The following PRCD variants were observed in gnomAD, a reference collection of about 807,000 sequenced individuals.
The protein encoded by PRCD is photoreceptor disc component.
Under a neutral mutation model 10.1 loss-of-function variants are expected in PRCD, and 12 were observed. The ratio of observed to expected loss-of-function variants is 1.18; its 90% CI spans 0.76 to 1.92. The LOEUF is 1.92. Among genes scored for constraint, PRCD ranks in the 40% most tolerant of loss-of-function variants. The pLI, the probability that PRCD is intolerant of heterozygous loss-of-function variation, is 0.00. For synonymous variants in PRCD, 31 were observed against 26.2 expected, an observed-to-expected ratio of 1.18 and a Z score of -0.56; for missense variants, 61 against 72.2, an observed-to-expected ratio of 0.84 and a Z score of 0.56.
At chr17:76,549,216 C>T (rs1456281559), downstream of PRCD, among the ~76,000 whole-genome samples, 2 of 152,148 alleles carry the variant, frequency 1.3e-5, no homozygotes, top group Admixed American at 6.5e-5. Flanking sequence ...GACTTGTATC[C>T]GGAATACATA....
chr17:76,528,683 G>A lies in PRCD; in HGVS notation n.45+850G>A. 1 of 1,226,250 alleles carries A rather than the reference G, an allele frequency of 8.2e-7. No individual in the cohort carries two copies. The highest frequency in any genetic ancestry group is 1.0e-6 in the Non-Finnish European group (1 of 966,868). 76.0% of individuals were successfully genotyped at this position (1,226,250 alleles called of 1,614,324 possible). On this transcript the variant is annotated intron_variant and non_coding_transcript_variant, in intron 1 of 4. Transcript: ENST00000397633. This position sits in a 1 kb window ranked among gnomAD's most constrained non-coding sequence, Gnocchi z 5.8. Reference sequence around the variant, plus strand: ...GAAGGACCCTCGGGGGAAAGGGGGAGGACCTGGGGCTGGCGAGGCTCACTT... The same window carrying A: ...GAAGGACCCTCGGGGGAAAGGGGGAAGACCTGGGGCTGGCGAGGCTCACTT...
intron 1 of PRCD, chr17:76,529,750 C>T (rs576151968): frequency 1.1e-5 from 11 of 985,382 alleles, no homozygotes; most frequent in Admixed American, 1.2e-4. Context: ...CTGCTCTCCA[C>T]GCCCTGCCAG....
Position 76,540,250 on chromosome 17 carries a change from T to TGGGTGGGGGGGGGG in PRCD, c.74+35_74+36insGGGTGGGGGGGGGG. ...TGACCGGGCTATGGCTGGCGGTTGG[T>TGGGTGGGGGGGGGG]CGGGGGGGGGGGGCATGGGGCTGGG... On this transcript the variant is annotated intron_variant, in intron 1 of 4. Coordinates refer to ENST00000592014, the MANE Select transcript of PRCD (RefSeq NM_001077620.3). The surrounding 1 kb of genome is among the most constrained non-coding windows in gnomAD (Gnocchi z 5.0). 2.2e-6 allele frequency: 1 copy of TGGGTGGGGGGGGGG among 463,682 alleles called. No individual in the cohort carries two copies. Among genetic ancestry groups the TGGGTGGGGGGGGGG allele is most frequent in the Non-Finnish European group, 3.6e-6 (1 of 276,418 alleles). 28.7% of individuals were successfully genotyped at this position (463,682 alleles called of 1,614,324 possible).
In PRCD at chr17:76,531,881, C is replaced by A; in HGVS notation, n.45+4048C>A. The A allele has an allele frequency of 5.5e-6, 3 of 547,646 alleles. No homozygotes were observed. The South Asian group carries it at 7.1e-5, about 13-fold the overall frequency. The allele number at this position is 547,646 out of a possible 1,614,324, so 33.9% of individuals were successfully genotyped here. On this transcript the variant is annotated intron_variant and non_coding_transcript_variant, in intron 1 of 4. Transcript: ENST00000397633. The surrounding 1 kb of genome is among the most constrained non-coding windows in gnomAD (Gnocchi z 7.4). Reference sequence around the variant, plus strand: ...CTCTGGCCAAGCCGGCTCACCCCTACCAAGTCTGGCCATGTCTATCTGCCA... The same window carrying A: ...CTCTGGCCAAGCCGGCTCACCCCTAACAAGTCTGGCCATGTCTATCTGCCA...
chr17:76,545,034 C>A lies in PRCD; in HGVS notation c.*1384C>A, dbSNP rs911883260. On this transcript the variant is annotated 3_prime_UTR_variant, in exon 5 of 5. Coordinates refer to ENST00000592014, the MANE Select transcript of PRCD (RefSeq NM_001077620.3). ...TGCCTGGGCTTGGAGGTTGCCTGGG[C>A]AGCTGGGGTGCCATGTGGGCCGGGT... 30 of 451,502 alleles carry A rather than the reference C, an allele frequency of 6.6e-5. No individual in the cohort carries two copies. In the Admixed American group the frequency reaches 6.8e-4, roughly 10 times the overall value. 28.0% of individuals were successfully genotyped at this position (451,502 alleles called of 1,614,324 possible).
upstream of PRCD, among the ~76,000 whole-genome samples, chr17:76,539,428 T>C (rs544829081): frequency 2.6e-5 from 4 of 152,254 alleles, no homozygotes; most frequent in Non-Finnish European, 5.9e-5. Flanking sequence ...GAGTGCACAC[T>C]TGAATTCTGC....
chr17:76,539,134 G>A (rs545890695), upstream of PRCD, among the ~76,000 whole-genome samples: 9 of 152,220 alleles, frequency 5.9e-5, no homozygotes, highest in African/African-American at 2.2e-4. Context: ...GGCTGGAGGG[G>A]AGCGGGTGGG....
chr17:76,527,718 C>G (rs906672654), upstream of PRCD: 1 of 454,028 alleles, frequency 2.2e-6, no homozygotes, highest in Non-Finnish European at 4.4e-6. Flanking sequence ...CCGGGGCTGC[C>G]CTGGTGGCCA....
upstream of PRCD, among the ~76,000 whole-genome samples, chr17:76,535,977 G>A (rs533906419): frequency 1.8e-3 from 275 of 152,316 alleles, 2 homozygotes; most frequent in African/African-American, 5.9e-3. Flanking sequence ...GCTGACACAC[G>A]GCTGACGGCA....
At chr17:76,529,041 T>TGGGGGGGGGGGGGGGG in intron 1 of PRCD, 16 of 834,182 alleles carry the variant, frequency 1.9e-5, no homozygotes, top group African/African-American at 6.5e-5. Flanking sequence ...CTGCAGTCAT[T>TGGGGGGGGGGGGGGGG]GCGCCCCCCC....
downstream of PRCD, among the ~76,000 whole-genome samples, chr17:76,547,643 TCACACACACA>T (rs56118010): frequency 2.0e-5 from 3 of 149,864 alleles, no homozygotes; most frequent in Admixed American, 6.6e-5. Context: ...ACACACACAT[TCACACACACA>T]CACACACACA....
Position 76,528,559 on chromosome 17 carries a change from G to A in PRCD, n.45+726G>A, listed in dbSNP as rs774144863. 7.7e-7 allele frequency: 1 copy of A among 1,290,768 alleles called. No individual in the cohort carries two copies. Among genetic ancestry groups the A allele is most frequent in the Non-Finnish European group, 9.9e-7 (1 of 1,011,366 alleles). The allele number at this position is 1,290,768 out of a possible 1,614,324, so 80.0% of individuals were successfully genotyped here. A position where few individuals can be genotyped will look rare whatever the true frequency, so the allele number is the denominator to read the frequency against. On this transcript the variant is annotated intron_variant and non_coding_transcript_variant, in intron 1 of 4. Transcript: ENST00000397633. This position sits in a 1 kb window ranked among gnomAD's most constrained non-coding sequence, Gnocchi z 5.8. ...TTCTGCTCGAGGTGCTGCCAGGGAG[G>A]GGGGTGGAGTTAGGGGTCCTACGGC...
chr17:76,540,553 G>A lies in PRCD; in HGVS notation c.123G>A (p.Ala41=), dbSNP rs750104756. The A allele has an allele frequency of 2.4e-5, 38 of 1,613,356 alleles. No homozygotes were observed. In the East Asian group the frequency reaches 5.8e-4, roughly 25 times the overall value. ...DGAARGSSLD[A]DPQSSGREKE... Reference sequence around the variant, plus strand: ...CAGCTAGGGGCAGCAGCTTGGATGCGGACCCTCAGTCCTCAGGCAGGTAAG... The same window carrying A: ...CAGCTAGGGGCAGCAGCTTGGATGCAGACCCTCAGTCCTCAGGCAGGTAAG... The change falls in exon 2 of 5, where the codon GCG becomes GCA. Residue 41 remains alanine, a synonymous_variant. Transcript: ENST00000592014. This position sits in a 1 kb window ranked among gnomAD's most constrained non-coding sequence, Gnocchi z 5.0.
chr17:76,542,573 A>C lies in PRCD; in HGVS notation c.164A>C (p.Ter55SerextTer49), dbSNP rs375740284. Residue 55 changes from the stop codon to serine (S), a stop_lost, in exon 3 of 5, where the codon TAA (stop) becomes TCA (serine). Transcript: ENST00000592014. Reference protein sequence around the residue: ...SSGREKEPLK* With the variant: ...SSGREKEPLKS ...TTTAGGGAGAAAGAACCTCTGAAGT[A>C]AGCCCTCACCTCTGCAGGTGGGGCT... is the stretch of plus-strand genomic sequence containing the variant. 6.2e-7 allele frequency: 1 copy of C among 1,614,172 alleles called. No homozygotes were observed. The highest frequency in any genetic ancestry group is 8.5e-7 in the Non-Finnish European group (1 of 1,180,012).
downstream of PRCD, chr17:76,547,251 A>G (rs2075060818): frequency 2.0e-5 from 3 of 152,338 alleles, 1 homozygote; most frequent in South Asian, 6.2e-4. Flanking sequence ...GGGATGACAG[A>G]CAGCGAGGTC....
At chr17:76,548,970 G>A (rs1409283027), downstream of PRCD, among the ~76,000 whole-genome samples, 1 of 152,158 alleles carries the variant, frequency 6.6e-6, no homozygotes, top group East Asian at 1.9e-4. Context: ...AAGGTGAGGA[G>A]GAGACAGAAT....
downstream of PRCD, among the ~76,000 whole-genome samples, chr17:76,547,549 G>T (rs2075063504): frequency 6.6e-6 from 1 of 152,048 alleles, no homozygotes; most frequent in South Asian, 2.1e-4. Flanking sequence ...CTGTAGTGGG[G>T]GACTGAGAAA....
At chr17:76,552,454 C>T (rs1158667937) in intron 1 of PRCD, among the ~76,000 whole-genome samples, 1 of 152,048 alleles carries the variant, frequency 6.6e-6, no homozygotes, top group African/African-American at 2.4e-5. Flanking sequence ...CCTCCTCGGC[C>T]TCCCAAAGTG....
chr17:76,528,658 GA>G lies in PRCD; in HGVS notation n.45+827del. ...AAGGACAAACGTTACCAGAGGCAGG[GA>G]AGGACCCTCGGGGGAAAGGGGGAGG... On this transcript the variant is annotated intron_variant and non_coding_transcript_variant, in intron 1 of 4. Coordinates refer to the PRCD transcript ENST00000397633. This position sits in a 1 kb window ranked among gnomAD's most constrained non-coding sequence, Gnocchi z 5.8. 1 of 1,257,238 alleles carries G rather than the reference GA, an allele frequency of 8.0e-7. No individual in the cohort carries two copies. Among genetic ancestry groups the G allele is most frequent in the Non-Finnish European group, 1.0e-6 (1 of 992,028 alleles). 77.9% of individuals were successfully genotyped at this position (1,257,238 alleles called of 1,614,324 possible). A position where few individuals can be genotyped will look rare whatever the true frequency, so the allele number is the denominator to read the frequency against.
Sources: gnomAD v4.1 joint callset for allele counts (sites outside exome capture counted in the v4.1 genomes callset) on GRCh38, gnomAD v4.1.1 for gene constraint, Gnocchi (gnomAD v3.1) non-coding constraint, MANE v1.5 for transcripts, NCBI Gene and HGNC (gene_info 2026-07-23, HGNC 2026-07-21) for gene names.